UBAC2: variants seen among roughly 807,000 people sequenced by gnomAD.
UBAC2 encodes UBA domain containing 2.
Under a neutral mutation model 44.0 loss-of-function variants are expected in UBAC2, and 26 were observed. That is an observed-to-expected ratio of 0.59 (90% CI 0.43 to 0.82). The LOEUF is 0.82. Among genes scored for constraint, UBAC2 ranks in the 40% least tolerant of loss-of-function variants. UBAC2 has a pLI of 0.00. For synonymous variants in UBAC2, 155 were observed against 154.3 expected (o/e 1.00, Z -0.04); for missense variants, 329 against 419.4 (o/e 0.78, Z 1.88).
At chr13:99,255,646 G>C in intron 4 of UBAC2, 1 of 1,613,700 alleles carries the variant, frequency 6.2e-7, no homozygotes, top group Non-Finnish European at 8.5e-7. Context: ...CATTCGAAAG[G>C]GTAAAGTCAT....
intron 1 of UBAC2, among the ~76,000 whole-genome samples, chr13:99,201,857 G>A (rs1434235748): frequency 1.3e-5 from 2 of 152,068 alleles, no homozygotes; most frequent in African/African-American, 4.8e-5. Context: ...GGATCACGAG[G>A]TCAGGAGATC....
chr13:99,370,666 G>C (rs1347705801), intron 8 of UBAC2, among the ~76,000 whole-genome samples: 1 of 152,174 alleles, frequency 6.6e-6, no homozygotes, highest in Non-Finnish European at 1.5e-5. Flanking sequence ...CCTGGGCAGG[G>C]ATCTCATAGC....
chr13:99,226,630 T>C (rs1315628740), intron 1 of UBAC2, among the ~76,000 whole-genome samples: 1 of 152,218 alleles, frequency 6.6e-6, no homozygotes, highest in African/African-American at 2.4e-5. Flanking sequence ...GTTAAAGTCC[T>C]CATAATGGCC....
At chr13:99,264,591 A>G (rs2043716241) in intron 4 of UBAC2, among the ~76,000 whole-genome samples, 1 of 152,126 alleles carries the variant, frequency 6.6e-6, no homozygotes, top group Non-Finnish European at 1.5e-5. Context: ...CTAACTGACC[A>G]GGTTGTCTTA....
intron 2 of UBAC2, among the ~76,000 whole-genome samples, chr13:99,243,591 G>A (rs2043346373): frequency 6.6e-6 from 1 of 152,162 alleles, no homozygotes. Flanking sequence ...ATCTTAATGA[G>A]AATATGTTTT....
In UBAC2 at chr13:99,295,043, C is replaced by T. The variant is rs1405185805; in HGVS notation, c.390-19054C>T. ...GTCATACAGTTTACGTCACTATAAA[C>T]CAAAATACAATCCATTTCACTTTCC... On this transcript the variant is annotated intron_variant, in intron 4 of 8. Transcript: ENST00000403766. The surrounding 1 kb of genome is among the most constrained non-coding windows in gnomAD (Gnocchi z 4.1). 1 of 1,606,406 alleles carries T rather than the reference C, an allele frequency of 6.2e-7. No individual in the cohort carries two copies. Among genetic ancestry groups the T allele is most frequent in the Admixed American group, 1.7e-5 (1 of 58,996 alleles).
At chr13:99,361,732 C>T (rs539394565) in intron 7 of UBAC2, among the ~76,000 whole-genome samples, 1 of 152,196 alleles carries the variant, frequency 6.6e-6, no homozygotes, top group Non-Finnish European at 1.5e-5. Flanking sequence ...TCCTGTCCCC[C>T]CTCCCCTCCT....
chr13:99,373,175 T>A (rs991263501), intron 8 of UBAC2, among the ~76,000 whole-genome samples: 13 of 114,670 alleles, frequency 1.1e-4, no homozygotes, highest in Non-Finnish European at 2.2e-4. Flanking sequence ...TTTATTGTTT[T>A]TTTTTTTTTT....
Position 99,210,640 on chromosome 13 carries a change from G to C in UBAC2, c.31+9701G>C, listed in dbSNP as rs369068641. ...TTATAGGCATGCACCACCACGTCCGGCTAATTTTGTGTTTTTAGTAGAGAC... is the reference window on the plus strand; with the variant it reads ...TTATAGGCATGCACCACCACGTCCGCCTAATTTTGTGTTTTTAGTAGAGAC... On this transcript the variant is annotated intron_variant, in intron 1 of 8. Transcript: ENST00000403766. 3.8e-3 allele frequency among the ~76,000 whole-genome samples: 578 copies of C among 152,028 alleles called. 6 individuals are homozygous for C. The highest frequency in any genetic ancestry group is 0.011 in the South Asian group (52 of 4,802).
chr13:99,248,686 TTTTG>T lies in UBAC2; in HGVS notation c.389+4078_389+4081del, dbSNP rs1161150126. The stretch of plus-strand genomic sequence containing the variant: ...GCGTGAGCCACTGTATCCGGCCATT[TTTTG>T]TTTGTTTGTTTGTTTTTGTAGAGAT... On this transcript the variant is annotated intron_variant, in intron 4 of 8. Transcript: ENST00000403766. Among the ~76,000 whole-genome samples, 21 of 151,790 alleles carry T rather than the reference TTTTG, an allele frequency of 1.4e-4. No individual in the cohort carries two copies. The East Asian group carries it at 1.7e-3, about 13-fold the overall frequency.
chr13:99,334,956 A>G (rs1348237874), intron 6 of UBAC2, among the ~76,000 whole-genome samples: 2 of 152,256 alleles, frequency 1.3e-5, no homozygotes, highest in East Asian at 3.8e-4. Flanking sequence ...GACAGTAACC[A>G]TAAGAAAGCT....
intron 8 of UBAC2, among the ~76,000 whole-genome samples, chr13:99,375,800 C>CG (rs1566529120): frequency 1.5e-5 from 2 of 131,090 alleles, no homozygotes; most frequent in Non-Finnish European, 3.1e-5. Context: ...TTCCTTTTTC[C>CG]CTTTTTTTTT....
intron 2 of UBAC2, among the ~76,000 whole-genome samples, chr13:99,243,152 G>A (rs1191561438): frequency 1.3e-5 from 2 of 151,820 alleles, no homozygotes; most frequent in Non-Finnish European, 2.9e-5. Context: ...ATAAGATTAG[G>A]ATGTTTGAGA....
intron 8 of UBAC2, among the ~76,000 whole-genome samples, chr13:99,370,431 A>G (rs892142494): frequency 5.9e-5 from 9 of 152,218 alleles, no homozygotes; most frequent in Non-Finnish European, 1.0e-4. Flanking sequence ...TTCAAAATCT[A>G]TAAAAGAAAG....
At chr13:99,260,301 T>C (rs1566474095) in intron 4 of UBAC2, among the ~76,000 whole-genome samples, 1 of 152,234 alleles carries the variant, frequency 6.6e-6, no homozygotes, top group Non-Finnish European at 1.5e-5. Context: ...CTTTTTCTCC[T>C]CCACTAAATT....
At chr13:99,311,497 A>G (rs2138759042) in intron 4 of UBAC2, among the ~76,000 whole-genome samples, 1 of 152,306 alleles carries the variant, frequency 6.6e-6, no homozygotes, top group Middle Eastern at 3.4e-3. Context: ...AGCTGTTTTA[A>G]TCAGTTGTGC....
chr13:99,291,876 T>TA (rs1309181376), intron 4 of UBAC2, among the ~76,000 whole-genome samples: 1 of 152,210 alleles, frequency 6.6e-6, no homozygotes, highest in African/African-American at 2.4e-5. Context: ...ATTAAATAGA[T>TA]ATTTGAGGAC....
At chr13:99,205,045 A>G (rs1593990221) in intron 1 of UBAC2, among the ~76,000 whole-genome samples, 1 of 151,610 alleles carries the variant, frequency 6.6e-6, no homozygotes, top group African/African-American at 2.4e-5. Context: ...CAGGGACTAT[A>G]GGTGTGTGAT....
intron 1 of UBAC2, among the ~76,000 whole-genome samples, chr13:99,232,210 T>C (rs1304081263): frequency 6.6e-6 from 1 of 152,104 alleles, no homozygotes; most frequent in Non-Finnish European, 1.5e-5. Flanking sequence ...AGTAAACCTT[T>C]GTTTTTCCTG....
Sources: allele counts gnomAD v4.1 joint callset (sites outside exome capture counted in the v4.1 genomes callset), GRCh38; gene constraint gnomAD v4.1.1; non-coding constraint Gnocchi (gnomAD v3.1); transcripts MANE v1.5; gene names NCBI Gene and HGNC (gene_info 2026-07-23, HGNC 2026-07-21).